PIGN: variants seen among roughly 807,000 people sequenced by gnomAD.
PIGN encodes the protein phosphatidylinositol glycan anchor biosynthesis class N, also known as GPI ethanolamine phosphate transferase 1.
In PIGN, 117 loss-of-function variants were observed where a neutral mutation model predicts 125.4. The observed-to-expected ratio is 0.93, with a 90% CI of 0.80 to 1.09. The LOEUF is 1.09. Among genes scored for constraint, PIGN ranks in the 50% least tolerant of loss-of-function variants. The pLI, the probability that PIGN is intolerant of heterozygous loss-of-function variation, is 0.00. For missense variants in PIGN, 1,075 were observed against 1,094.9 expected (o/e 0.98, Z 0.26); for synonymous variants, 392 against 377.8 (o/e 1.04, Z -0.44).
intron 16 of PIGN, chr18:62,112,783 T>C (rs557293164): frequency 3.7e-6 from 1 of 272,414 alleles, no homozygotes; most frequent in Non-Finnish European, 6.8e-6. Flanking sequence ...ACATATTGTT[T>C]TGAAGTAGTT....
At chr18:62,080,938 T>C (rs1410626462) in intron 28 of PIGN, among the ~76,000 whole-genome samples, 1 of 152,190 alleles carries the variant, frequency 6.6e-6, no homozygotes, top group Non-Finnish European at 1.5e-5. Flanking sequence ...AAGGTTTTGC[T>C]GATGAACCCA....
At chr18:62,020,605 A>G (rs886398760) in intron 23 of PIGN, among the ~76,000 whole-genome samples, 1 of 152,078 alleles carries the variant, frequency 6.6e-6, no homozygotes, top group African/African-American at 2.4e-5. Context: ...AGGAAAATAC[A>G]AATTAAAACT....
chr18:62,145,451 T>C lies in PIGN; in HGVS notation c.922+458A>G, dbSNP rs114151501. Among the ~76,000 whole-genome samples, 710 of 152,306 alleles carry C rather than the reference T, an allele frequency of 4.7e-3. 9 individuals carry two copies. The highest frequency in any genetic ancestry group is 0.016 in the African/African-American group (679 of 41,570). On this transcript the variant is annotated intron_variant, in intron 10 of 30. Transcript: ENST00000640252. ...TCTTCATTAGGGCCTGGGGTTGAAA[T>C]AGCTCAGTACTACCTCTTGCTTTTT...
intron 28 of PIGN, among the ~76,000 whole-genome samples, chr18:62,079,181 G>A (rs561056157): frequency 6.6e-6 from 1 of 152,204 alleles, no homozygotes; most frequent in African/African-American, 2.4e-5. Context: ...AACTATGTGA[G>A]TAAAGACCAT....
chr18:62,103,997 T>C (rs1312610130), intron 20 of PIGN, among the ~76,000 whole-genome samples: 2 of 152,224 alleles, frequency 1.3e-5, no homozygotes, highest in Admixed American at 6.5e-5. Flanking sequence ...TGTACACGTT[T>C]GCTTTTTCCT....
rs1428611246 is a variant in PIGN at position 62,045,053 on chromosome 18, A to G, written c.*803T>C. 1 of 152,200 alleles carries G rather than the reference A, an allele frequency of 6.6e-6. No individual in the cohort carries two copies. Among genetic ancestry groups the G allele is most frequent in the Non-Finnish European group, 1.5e-5 (1 of 68,040 alleles). 9.4% of individuals were successfully genotyped at this position (152,200 alleles called of 1,614,324 possible). A position where few individuals can be genotyped will look rare whatever the true frequency, so the allele number is the denominator to read the frequency against. On this transcript the variant is annotated 3_prime_UTR_variant, in exon 31 of 31. Transcript: ENST00000640252. ...GTTAAAATAATAGATGACAGTAAAA[A>G]GAAATTCAAAGGGAAAGAAACAATA... is the stretch of plus-strand genomic sequence containing the variant.
intron 30 of PIGN, 62 bp from the exon 31 acceptor site, chr18:62,046,041 T>G (rs2030654196): frequency 1.9e-6 from 3 of 1,543,774 alleles, no homozygotes; most frequent in Non-Finnish European, 2.6e-6. Flanking sequence ...ATCATGAGAT[T>G]CCTCTGAATG....
rs1275182286 is a variant in PIGN, at chr18:62,140,488, A to G, written c.964-9T>C. ...AATGGTGCAATATCAGCCTACAAAT[A>G]AAAAAGCTCAATTCTAAGAAGTCTA... is the stretch of plus-strand genomic sequence containing the variant. On this transcript the variant is annotated splice_polypyrimidine_tract_variant and intron_variant, in intron 11 of 30. Coordinates refer to ENST00000640252, the MANE Select transcript of PIGN (RefSeq NM_176787.5). 1 of 1,487,992 alleles carries G rather than the reference A, an allele frequency of 6.7e-7. No individual in the cohort carries two copies. Among genetic ancestry groups the G allele is most frequent in the Non-Finnish European group, 9.2e-7 (1 of 1,081,242 alleles). The allele number at this position is 1,487,992 out of a possible 1,614,324, so 92.2% of individuals were successfully genotyped here. A position where few individuals can be genotyped will look rare whatever the true frequency, so the allele number is the denominator to read the frequency against.
Position 62,140,421 on chromosome 18 carries a change from A to G in PIGN, c.1022T>C (p.Val341Ala), listed in dbSNP as rs2036091236. 7.7e-6 allele frequency: 11 copies of G among 1,432,498 alleles called. No individual in the cohort carries two copies. The East Asian group carries it at 2.6e-4, about 33-fold the overall frequency. The allele number at this position is 1,432,498 out of a possible 1,614,324, so 88.7% of individuals were successfully genotyped here. A position where few individuals can be genotyped will look rare whatever the true frequency, so the allele number is the denominator to read the frequency against. Residue 341 changes from valine (V) to alanine (A), a missense_variant and splice_region_variant, in exon 12 of 31, where the codon GTG (valine) becomes GCG (alanine). By Grantham distance (64) the Val-to-Ala change is moderately conservative. This residue lies in a region of PIGN where 915 missense variants were observed against 908.7 expected (regional missense o/e 1.01). Coordinates refer to ENST00000640252, the MANE Select transcript of PIGN (RefSeq NM_176787.5). ...LIGVPFPLNSVGILPVDYLNN... is the reference protein window; with the variant it reads ...LIGVPFPLNSAGILPVDYLNN... ...TGATAATAAAATTTTATTCCTTACCACTGAGTTAAGAGGAAAGGGAACTCC... is the reference window on the plus strand; with the variant it reads ...TGATAATAAAATTTTATTCCTTACCGCTGAGTTAAGAGGAAAGGGAACTCC...
intron 1 of PIGN, among the ~76,000 whole-genome samples, chr18:62,186,091 C>G (rs2037976289): frequency 7.0e-6 from 1 of 142,180 alleles, no homozygotes; most frequent in Non-Finnish European, 1.5e-5. Flanking sequence ...CGTTCTGTCG[C>G]CCAGGCTGGA....
intron 30 of PIGN, chr18:62,056,926 GC>G: frequency 6.6e-6 from 1 of 152,240 alleles, no homozygotes; most frequent in East Asian, 1.9e-4. Context: ...TCTAGGTTGT[GC>G]ACCCATTATG....
chr18:62,082,025 T>A (rs561576238), intron 28 of PIGN, among the ~76,000 whole-genome samples: 11 of 152,270 alleles, frequency 7.2e-5, no homozygotes, highest in Non-Finnish European at 1.2e-4. Flanking sequence ...CTAAGCTTCA[T>A]ATTTATATCA....
chr18:62,138,107 T>G lies in PIGN; in HGVS notation c.1172+136A>C. ...TTTAACAACAGCAATAGAAGAGGAT[T>G]TCAATTTGGAGTTTACACTAATGTA... is the stretch of plus-strand genomic sequence containing the variant. On this transcript the variant is annotated intron_variant, in intron 14 of 30. Transcript: ENST00000640252. 2.4e-6 allele frequency: 3 copies of G among 1,227,608 alleles called. No homozygotes were observed. The South Asian group carries it at 4.6e-5, about 19-fold the overall frequency. The allele number at this position is 1,227,608 out of a possible 1,614,324, so 76.0% of individuals were successfully genotyped here.
At chr18:62,070,920 C>T (rs1226813800) in intron 30 of PIGN, among the ~76,000 whole-genome samples, 1 of 152,100 alleles carries the variant, frequency 6.6e-6, no homozygotes, top group African/African-American at 2.4e-5. Context: ...CTTTTTCTGC[C>T]TTAGCCTCCT....
intron 23 of PIGN, among the ~76,000 whole-genome samples, chr18:62,020,252 C>A (rs62096599): frequency 0.16 from 24,957 of 152,222 alleles, 2,820 homozygotes; most frequent in Middle Eastern, 0.27. Context: ...GGGCTTTAAA[C>A]CAACACTGGG....
chr18:62,139,070 G>A lies in PIGN; in HGVS notation c.1029C>T (p.Ile343=). The A allele has an allele frequency of 6.3e-7, 1 of 1,592,680 alleles. No homozygotes were observed. The highest frequency in any genetic ancestry group is 8.6e-7 in the Non-Finnish European group (1 of 1,165,382). Residue 343 remains isoleucine, a synonymous_variant, in exon 13 of 31, where the codon ATC becomes ATT. Coordinates refer to ENST00000640252, the MANE Select transcript of PIGN (RefSeq NM_176787.5). ...TGTTGTTAAGATAATCCACAGGAAG[G>A]ATTCCCTGAAAATAACAAACACCAG... The part of the protein sequence containing the change: ...GVPFPLNSVG[I]LPVDYLNNTD...
intron 10 of PIGN, among the ~76,000 whole-genome samples, chr18:62,144,965 T>C (rs1219342617): frequency 6.9e-6 from 1 of 145,640 alleles, no homozygotes; most frequent in Non-Finnish European, 1.5e-5. Flanking sequence ...GCCCATTCCA[T>C]TCCTTTAGAG....
chr18:62,077,103 T>G (rs1390890559), intron 28 of PIGN, among the ~76,000 whole-genome samples: 1 of 152,026 alleles, frequency 6.6e-6, no homozygotes, highest in Non-Finnish European at 1.5e-5. Flanking sequence ...TTAGAATGAG[T>G]GCGGTGGCTC....
chr18:62,152,700 G>A (rs2036579634), intron 7 of PIGN, among the ~76,000 whole-genome samples: 1 of 151,954 alleles, frequency 6.6e-6, no homozygotes, highest in African/African-American at 2.4e-5. Flanking sequence ...AAAACAAAAT[G>A]GTTGTATGGA....
Sources: gnomAD v4.1 joint callset for allele counts (sites outside exome capture counted in the v4.1 genomes callset) on GRCh38, gnomAD v4.1.1 for gene constraint, gnomAD v4.1.1 regional missense constraint, MANE v1.5 for transcripts, NCBI Gene and HGNC (gene_info 2026-07-23, HGNC 2026-07-21) for gene names.